Variants in APLP2 observed in about 807,000 individuals in gnomAD.
The protein encoded by APLP2 is CDEI box-binding protein.
APLP2 carries 53 observed loss-of-function variants against 89.9 expected under a neutral mutation model. That is an observed-to-expected ratio of 0.59 (90% CI 0.47 to 0.74). The LOEUF is 0.74. Among genes scored for constraint, APLP2 ranks in the 30% least tolerant of loss-of-function variants. The pLI, the probability that APLP2 is intolerant of heterozygous loss-of-function variation, is 0.00. For synonymous variants in APLP2, 372 were observed against 348.6 expected (o/e 1.07, Z -0.75); for missense variants, 973 against 975.9 (o/e 1.00, Z 0.04).
At chr11:130,081,971 A>G (rs1229629297) in intron 1 of APLP2, among the ~76,000 whole-genome samples, 1 of 152,224 alleles carries the variant, frequency 6.6e-6, no homozygotes, top group Non-Finnish European at 1.5e-5. Context: ...TTTCATAGTC[A>G]TCATTATTAG....
At position 130,121,624 on chromosome 11, in the gene APLP2, C is replaced by G; in HGVS notation, c.527C>G (p.Thr176Ser). 6.2e-7 allele frequency: 1 copy of G among 1,612,676 alleles called. No homozygotes were observed. Among genetic ancestry groups the G allele is most frequent in the Non-Finnish European group, 8.5e-7 (1 of 1,179,144 alleles). Reference protein sequence around the residue: ...WHTVVKEACLTQGMTLYSYGM... With the variant: ...WHTVVKEACLSQGMTLYSYGM... ...GTGGGTTTCTTTTAGGCATGTCTGA[C>G]TCAGGGAATGACCTTATATAGCTAC... The change falls in exon 5 of 17, where the codon ACT becomes AGT. Residue 176 changes from threonine (T) to serine (S), a missense_variant. Coordinates refer to ENST00000338167, the MANE Select transcript of APLP2 (RefSeq NM_001142276.2).
chr11:130,108,245 C>T (rs904926125), intron 1 of APLP2, among the ~76,000 whole-genome samples: 1 of 152,194 alleles, frequency 6.6e-6, no homozygotes, highest in African/African-American at 2.4e-5. Context: ...AGCTTCTGCA[C>T]AGCAAAAGAA....
intron 1 of APLP2, among the ~76,000 whole-genome samples, chr11:130,078,192 AGT>A (rs748708543): frequency 1.4e-4 from 21 of 150,550 alleles, no homozygotes; most frequent in South Asian, 2.1e-4. Flanking sequence ...GCTTCATATA[AGT>A]GGAATCATTC....
intron 3 of APLP2, 113 bp from the exon 4 acceptor site, chr11:130,120,593 G>A (rs1007274789): frequency 4.0e-6 from 3 of 747,766 alleles, no homozygotes; most frequent in Admixed American, 2.0e-5. Flanking sequence ...GCATCTGCTC[G>A]TATACATGAG....
intron 3 of APLP2, among the ~76,000 whole-genome samples, chr11:130,118,289 A>C (rs1336779777): frequency 1.3e-5 from 2 of 152,210 alleles, no homozygotes; most frequent in African/African-American, 2.4e-5. Context: ...ACTAACATTA[A>C]CATCAATAGT....
At chr11:130,129,964 T>A (rs1353302431) in intron 10 of APLP2, 74 bp from the exon 11 acceptor site, 1 of 1,539,266 alleles carries the variant, frequency 6.5e-7, no homozygotes, top group African/African-American at 1.4e-5. Context: ...AAGTGAACTT[T>A]TTAAGCTTTT....
At chr11:130,070,663 C>G in intron 1 of APLP2, 2 of 1,477,172 alleles carry the variant, frequency 1.4e-6, no homozygotes, top group African/African-American at 1.5e-5. Context: ...GCTGCTCCCT[C>G]TGCCGCCTGG....
At chr11:130,133,099 C>T (rs1951112809) in intron 11 of APLP2, among the ~76,000 whole-genome samples, 2 of 151,352 alleles carry the variant, frequency 1.3e-5, no homozygotes, top group South Asian at 4.2e-4. Context: ...GATAAATTCT[C>T]ATGTCAGCTG....
intron 1 of APLP2, among the ~76,000 whole-genome samples, chr11:130,079,863 T>C (rs1942867565): frequency 6.6e-6 from 1 of 152,242 alleles, no homozygotes; most frequent in South Asian, 2.1e-4. Flanking sequence ...TTTTGGTAGA[T>C]ACCAGACCCT....
chr11:130,073,099 T>C (rs1173421462), intron 1 of APLP2, among the ~76,000 whole-genome samples: 1 of 152,236 alleles, frequency 6.6e-6, no homozygotes, highest in African/African-American at 2.4e-5. Context: ...GAAATCTAAA[T>C]GTAGATCAAG....
intron 1 of APLP2, among the ~76,000 whole-genome samples, chr11:130,087,786 TAGA>T (rs1384135149): frequency 6.6e-6 from 1 of 152,128 alleles, no homozygotes; most frequent in East Asian, 1.9e-4. Flanking sequence ...CACTTCCTAT[TAGA>T]AGAATGATTA....
chr11:130,106,014 T>C (rs1685653456), intron 1 of APLP2, among the ~76,000 whole-genome samples: 1 of 152,220 alleles, frequency 6.6e-6, no homozygotes, highest in Non-Finnish European at 1.5e-5. Context: ...ATGCCTGTGC[T>C]TTTCTCGTGC....
intron 8 of APLP2, 21 bp downstream of exon 8, chr11:130,126,851 C>T (rs1051333183): frequency 6.2e-7 from 1 of 1,613,604 alleles, no homozygotes; most frequent in African/African-American, 1.3e-5. Context: ...ACAATTTCTT[C>T]ATCTTCATGG....
intron 3 of APLP2, 125 bp downstream of exon 3, chr11:130,110,786 G>A: frequency 1.6e-6 from 2 of 1,268,700 alleles, no homozygotes; most frequent in Non-Finnish European, 2.1e-6. Context: ...AATTTATTGG[G>A]GAGGATTTCT....
chr11:130,097,499 G>A (rs1946364043), intron 1 of APLP2, among the ~76,000 whole-genome samples: 1 of 152,158 alleles, frequency 6.6e-6, no homozygotes, highest in African/African-American at 2.4e-5. Context: ...TACAAGACCA[G>A]CCTGGGCAAT....
intron 1 of APLP2, among the ~76,000 whole-genome samples, chr11:130,090,793 G>C (rs867780369): frequency 5.3e-4 from 80 of 152,298 alleles, no homozygotes; most frequent in African/African-American, 1.9e-3. Context: ...CCTCCCAGAC[G>C]GGGTGGTGGC....
intron 1 of APLP2, among the ~76,000 whole-genome samples, chr11:130,078,684 T>C (rs937455479): frequency 2.6e-5 from 4 of 152,284 alleles, no homozygotes; most frequent in Non-Finnish European, 5.9e-5. Context: ...TTTTTCCTTA[T>C]GGATATCTGG....
At chr11:130,070,467 G>T (rs1940757419) in intron 1 of APLP2, 2 of 1,052,750 alleles carry the variant, frequency 1.9e-6, no homozygotes, top group Non-Finnish European at 2.4e-6. Context: ...TCCGCGGCTG[G>T]GCTTTCTCCA....
chr11:130,126,974 G>A (rs1425956917), intron 8 of APLP2, 144 bp downstream of exon 8: 2 of 1,066,094 alleles, frequency 1.9e-6, no homozygotes, highest in Non-Finnish European at 2.7e-6. Flanking sequence ...TACCAGTGGA[G>A]CTGCCTTCTG....
Sources: gnomAD v4.1 joint callset for allele counts (sites outside exome capture counted in the v4.1 genomes callset) on GRCh38, gnomAD v4.1.1 for gene constraint, MANE v1.5 for transcripts, NCBI Gene and HGNC (gene_info 2026-07-23, HGNC 2026-07-21) for gene names.